CFAP70: variants seen among roughly 807,000 people sequenced by gnomAD.
CFAP70 encodes the protein cilia- and flagella-associated protein 70.
CFAP70 carries 81 observed loss-of-function variants against 137.6 expected under a neutral mutation model. The observed-to-expected ratio is 0.59, with a 90% confidence interval of 0.49 to 0.71. The LOEUF is 0.71. CFAP70 is among the 30% of genes least tolerant of loss of function. CFAP70 has a pLI of 0.00. For missense variants in CFAP70, 976 were observed against 1,226.7 expected (o/e 0.80, Z 3.05); for synonymous variants, 382 against 423.6 (o/e 0.90, Z 1.20).
chr10:73,355,693 G>A (rs1004776454), intron 1 of CFAP70, among the ~76,000 whole-genome samples: 3 of 152,166 alleles, frequency 2.0e-5, no homozygotes, highest in African/African-American at 2.4e-5. Flanking sequence ...CAGGAGAATC[G>A]CTTGAACACG....
chr10:73,271,332 C>G (rs1023242665), intron 24 of CFAP70, among the ~76,000 whole-genome samples: 1 of 152,032 alleles, frequency 6.6e-6, no homozygotes, highest in South Asian at 2.1e-4. Context: ...GCCAACATGG[C>G]GAAATCCTGT....
chr10:73,360,569 A>G (rs1255730781), upstream of CFAP70, among the ~76,000 whole-genome samples: 1 of 152,230 alleles, frequency 6.6e-6, no homozygotes, highest in Non-Finnish European at 1.5e-5. Flanking sequence ...TGCTTAGGAA[A>G]TAGTTACCAG....
intron 8 of CFAP70, 46 bp downstream of exon 9, chr10:73,331,131 T>C: frequency 2.9e-6 from 4 of 1,380,238 alleles, no homozygotes; most frequent in Non-Finnish European, 4.1e-6. Flanking sequence ...AGGTCGGGTC[T>C]GATTCTACAT....
At chr10:73,291,722 C>T in exon 18 of CFAP70, 2 of 1,614,122 alleles carry the variant, frequency 1.2e-6, no homozygotes, top group Non-Finnish European at 1.7e-6. Context: ...CATAGTTCTC[C>T]AACAGGACAG....
At chr10:73,349,336 G>A (rs1405778080) in intron 3 of CFAP70, among the ~76,000 whole-genome samples, 3 of 151,918 alleles carry the variant, frequency 2.0e-5, no homozygotes, top group African/African-American at 4.8e-5. Flanking sequence ...TCAGGAGATC[G>A]AGACCATCCT....
At chr10:73,284,766 A>AAAAGT (rs2047538032) in intron 19 of CFAP70, among the ~76,000 whole-genome samples, 1 of 33,948 alleles carries the variant, frequency 2.9e-5, no homozygotes, top group African/African-American at 1.4e-4. Flanking sequence ...ATATATATAT[A>AAAAGT]TATATATATA....
chr10:73,352,269 C>T (rs749361915), intron 3 of CFAP70, among the ~76,000 whole-genome samples: 1 of 152,174 alleles, frequency 6.6e-6, no homozygotes, highest in Non-Finnish European at 1.5e-5. Flanking sequence ...TCTGACATCA[C>T]TAGGGTAATG....
intron 19 of CFAP70, among the ~76,000 whole-genome samples, chr10:73,281,738 A>C (rs899987263): frequency 6.6e-6 from 1 of 152,208 alleles, no homozygotes; most frequent in Non-Finnish European, 1.5e-5. Flanking sequence ...CATGGAATCT[A>C]GCTAAGGTGC....
intron 14 of CFAP70, among the ~76,000 whole-genome samples, chr10:73,297,479 T>C (rs186370129): frequency 1.4e-4 from 21 of 152,306 alleles, no homozygotes; most frequent in African/African-American, 5.1e-4. Flanking sequence ...TCTCTCATGG[T>C]GGCCATATGG....
chr10:73,324,150 C>T (rs199725401), intron 8 of CFAP70, among the ~76,000 whole-genome samples: 8 of 152,296 alleles, frequency 5.3e-5, no homozygotes, highest in East Asian at 1.9e-4. Context: ...TCCAGAGGAA[C>T]GATCAGACAG....
upstream of CFAP70, among the ~76,000 whole-genome samples, chr10:73,360,383 TAC>T (rs1285643570): frequency 1.3e-5 from 2 of 152,024 alleles, no homozygotes; most frequent in Non-Finnish European, 2.9e-5. Flanking sequence ...CCTGCACACA[TAC>T]ACACACAGTG....
Position 73,353,547 on chromosome 10 carries a change from A to G in CFAP70, c.250+9T>C, listed in dbSNP as rs1405844983. On this transcript the variant is annotated intron_variant, in intron 3 of 26. Transcript: ENST00000310715. The stretch of plus-strand genomic sequence containing the variant: ...CGGGACATTGATTTTTAGAACCACA[A>G]GGACTTACAGAACACAGGTTTGTGA... 1.9e-6 allele frequency: 3 copies of G among 1,610,452 alleles called. No individual in the cohort carries two copies. Among genetic ancestry groups the G allele is most frequent in the Non-Finnish European group, 2.5e-6 (3 of 1,177,144 alleles).
At chr10:73,285,063 G>A (rs1023355329) in intron 19 of CFAP70, among the ~76,000 whole-genome samples, 3 of 151,738 alleles carry the variant, frequency 2.0e-5, no homozygotes, top group African/African-American at 7.3e-5. Flanking sequence ...ATTACAAGAG[G>A]TAGGCAAATT....
chr10:73,339,295 CCTTTT>C (rs1475182350), intron 6 of CFAP70, among the ~76,000 whole-genome samples: 1 of 152,122 alleles, frequency 6.6e-6, no homozygotes, highest in Non-Finnish European at 1.5e-5. Context: ...TCCAAGGAAA[CCTTTT>C]CTTTACTTTT....
chr10:73,329,090 C>A (rs1324208639), intron 8 of CFAP70, among the ~76,000 whole-genome samples: 1 of 151,960 alleles, frequency 6.6e-6, no homozygotes, highest in Non-Finnish European at 1.5e-5. Flanking sequence ...GGAACCAACC[C>A]AAATGTCCAA....
Position 73,281,348 on chromosome 10 carries a change from A to ATTTT in CFAP70, c.2240-3015_2240-3012dup, listed in dbSNP as rs770634015. 7.1e-5 allele frequency among the ~76,000 whole-genome samples: 10 copies of ATTTT among 140,046 alleles called. No homozygotes were observed. The East Asian group carries it at 8.2e-4, about 11-fold the overall frequency. 91.9% of individuals were successfully genotyped at this position (140,046 alleles called of 152,430 possible). A position where few individuals can be genotyped will look rare whatever the true frequency, so the allele number is the denominator to read the frequency against. ...TACAGACATGCCACCACACCTGGCTATTTTTTTTTTTTTTAATTTTTGTAG... is the reference window on the plus strand; with the variant it reads ...TACAGACATGCCACCACACCTGGCTATTTTTTTTTTTTTTTTTTAATTTTTGTAG... On this transcript the variant is annotated intron_variant, in intron 19 of 26. Coordinates refer to ENST00000310715, the Ensembl canonical transcript of CFAP70.
intron 3 of CFAP70, among the ~76,000 whole-genome samples, chr10:73,352,973 T>G (rs545551503): frequency 5.5e-4 from 84 of 152,356 alleles, no homozygotes; most frequent in Admixed American, 1.1e-3. Flanking sequence ...ATTGTTACAT[T>G]TTGGCAGAAA....
intron 25 of CFAP70, among the ~76,000 whole-genome samples, chr10:73,263,173 C>T (rs1351442265): frequency 6.6e-6 from 1 of 152,132 alleles, no homozygotes; most frequent in Non-Finnish European, 1.5e-5. Context: ...GTGAACAGGT[C>T]ACTGCTGCCT....
At chr10:73,304,351 G>T (rs1040491600) in intron 12 of CFAP70, among the ~76,000 whole-genome samples, 2 of 152,160 alleles carry the variant, frequency 1.3e-5, no homozygotes, top group Non-Finnish European at 2.9e-5. Context: ...ACTGCACCCG[G>T]CCCATTTATG....
Sources: gnomAD v4.1 joint callset for allele counts (sites outside exome capture counted in the v4.1 genomes callset) on GRCh38, gnomAD v4.1.1 for gene constraint, MANE v1.5 for transcripts, NCBI Gene and HGNC (gene_info 2026-07-23, HGNC 2026-07-21) for gene names.